Variants in ESR1 observed in about 807,000 individuals in gnomAD.
ESR1 encodes the protein estrogen receptor.
ESR1 carries 12 observed loss-of-function variants against 52.7 expected under a neutral mutation model. The ratio of observed to expected loss-of-function variants is 0.23; its 90% CI spans 0.15 to 0.37. The LOEUF (loss-of-function observed/expected upper bound fraction) is 0.37, where lower values mean the gene tolerates loss of function less well. ESR1 is among the 10% of genes least tolerant of loss of function. The pLI, the probability that ESR1 is intolerant of heterozygous loss-of-function variation, is 1.00. For synonymous variants in ESR1, 305 were observed against 316.8 expected, an observed-to-expected ratio of 0.96 and a Z score of 0.39; for missense variants, 584 against 779.7, an observed-to-expected ratio of 0.75 and a Z score of 2.99.
At chr6:152,001,055 G>A (rs2041905506) in intron 4 of ESR1, among the ~76,000 whole-genome samples, 1 of 152,012 alleles carries the variant, frequency 6.6e-6, no homozygotes, top group Admixed American at 6.6e-5. Context: ...TACCAAGCCA[G>A]AGGCCATGTT....
intron 4 of ESR1, among the ~76,000 whole-genome samples, chr6:151,964,666 G>A (rs1487788274): frequency 1.3e-5 from 2 of 148,618 alleles, no homozygotes; most frequent in Non-Finnish European, 3.0e-5. Flanking sequence ...TTTTGAGATG[G>A]AGTCTCACTC....
intron 1 of ESR1, among the ~76,000 whole-genome samples, chr6:151,670,773 T>G (rs1778027064): frequency 6.8e-6 from 1 of 146,820 alleles, no homozygotes; most frequent in South Asian, 2.2e-4. Flanking sequence ...TTTTTTTTTT[T>G]TTTTTTTTTT....
intron 2 of ESR1, among the ~76,000 whole-genome samples, chr6:151,772,004 T>C (rs1240822022): frequency 2.0e-5 from 3 of 152,204 alleles, no homozygotes; most frequent in Admixed American, 6.5e-5. Flanking sequence ...GAAGGGTAAA[T>C]GTTTCTAATG....
chr6:151,961,457 A>G (rs2037651200), intron 4 of ESR1, among the ~76,000 whole-genome samples: 1 of 152,192 alleles, frequency 6.6e-6, no homozygotes, highest in Admixed American at 6.5e-5. Context: ...AGTTCATGAA[A>G]AAATGGGAGG....
At chr6:151,780,262 A>G (rs1423211425) in intron 2 of ESR1, among the ~76,000 whole-genome samples, 1 of 152,096 alleles carries the variant, frequency 6.6e-6, no homozygotes, top group African/African-American at 2.4e-5. Context: ...AATGTAGATG[A>G]CGAGTTGATG....
intron 2 of ESR1, among the ~76,000 whole-genome samples, chr6:151,793,425 T>C (rs1776390948): frequency 6.6e-6 from 1 of 152,140 alleles, no homozygotes; most frequent in African/African-American, 2.4e-5. Context: ...TATTTTTTTC[T>C]AGTAGAAGGA....
chr6:152,024,808 A>G (rs3020419), intron 5 of ESR1, among the ~76,000 whole-genome samples: 65,301 of 148,438 alleles, frequency 0.44, 16,286 homozygotes, highest in African/African-American at 0.67. Flanking sequence ...AAATATACAT[A>G]TATGTGTACA....
chr6:152,097,980 G>A (rs901964921), intron 7 of ESR1, among the ~76,000 whole-genome samples: 1 of 152,204 alleles, frequency 6.6e-6, no homozygotes, highest in Non-Finnish European at 1.5e-5. Context: ...GCCTGCAGAG[G>A]CTTGAGGCTG....
At chr6:151,879,671 T>C (rs960058461) in intron 2 of ESR1, among the ~76,000 whole-genome samples, 2 of 152,180 alleles carry the variant, frequency 1.3e-5, no homozygotes, top group Admixed American at 1.3e-4. Context: ...TATGGTAAAC[T>C]CCTAACCTGC....
chr6:151,857,850 A>G (rs1788149029), intron 2 of ESR1, among the ~76,000 whole-genome samples: 2 of 152,138 alleles, frequency 1.3e-5, no homozygotes, highest in South Asian at 2.1e-4. Flanking sequence ...AGACTTTTGA[A>G]ATGTGTACTA....
At chr6:151,882,136 C>T (rs1390836394) in intron 3 of ESR1, among the ~76,000 whole-genome samples, 1 of 152,024 alleles carries the variant, frequency 6.6e-6, no homozygotes, top group African/African-American at 2.4e-5. Flanking sequence ...ATCATTCTTA[C>T]TGGGACGCAG....
At chr6:151,738,935 CT>C (rs1157176249) in intron 2 of ESR1, among the ~76,000 whole-genome samples, 2 of 152,162 alleles carry the variant, frequency 1.3e-5, no homozygotes, top group Non-Finnish European at 2.9e-5. Context: ...CTATTCCTAC[CT>C]CTGTTAGCTT....
chr6:151,986,953 A>G (rs532065728), intron 4 of ESR1, among the ~76,000 whole-genome samples: 3 of 152,016 alleles, frequency 2.0e-5, no homozygotes, highest in Non-Finnish European at 2.9e-5. Flanking sequence ...GTGCGCGCCC[A>G]TGGGTCCATT....
At chr6:151,764,113 G>A (rs2128100412) in intron 2 of ESR1, among the ~76,000 whole-genome samples, 1 of 152,200 alleles carries the variant, frequency 6.6e-6, no homozygotes, top group African/African-American at 2.4e-5. Context: ...CAAGTAGGGC[G>A]ACCAACCGGC....
intron 2 of ESR1, among the ~76,000 whole-genome samples, chr6:151,715,147 GA>G (rs1299444207): frequency 6.6e-6 from 1 of 152,184 alleles, no homozygotes; most frequent in East Asian, 1.9e-4. Flanking sequence ...TTTTCTTTAA[GA>G]ATGTTGAATA....
chr6:151,887,222 T>C (rs1458002037), intron 3 of ESR1, among the ~76,000 whole-genome samples: 1 of 151,996 alleles, frequency 6.6e-6, no homozygotes, highest in Non-Finnish European at 1.5e-5. Context: ...CTATTTAGGA[T>C]TGAATTTAAG....
At chr6:151,979,889 C>T (rs2039830026) in intron 4 of ESR1, among the ~76,000 whole-genome samples, 1 of 152,078 alleles carries the variant, frequency 6.6e-6, no homozygotes, top group South Asian at 2.1e-4. Flanking sequence ...AGAGTCTTTG[C>T]TGTTGGTTTT....
At chr6:151,871,547 G>A (rs1413810534) in intron 2 of ESR1, among the ~76,000 whole-genome samples, 2 of 152,074 alleles carry the variant, frequency 1.3e-5, no homozygotes, top group Non-Finnish European at 2.9e-5. Flanking sequence ...GGGATTACAG[G>A]TGCCCACCAC....
At chr6:151,781,201 G>A (rs1264830936) in intron 2 of ESR1, among the ~76,000 whole-genome samples, 3 of 152,170 alleles carry the variant, frequency 2.0e-5, no homozygotes, top group Non-Finnish European at 2.9e-5. Context: ...CTATAAGAGA[G>A]CATACTTGAG....
Sources: allele counts gnomAD v4.1 joint callset (sites outside exome capture counted in the v4.1 genomes callset), GRCh38; gene constraint gnomAD v4.1.1; transcripts MANE v1.5; gene names NCBI Gene and HGNC (gene_info 2026-07-23, HGNC 2026-07-21).